The following LRP1B variants were observed in gnomAD, a reference collection of about 807,000 sequenced individuals.
LRP1B encodes low-density lipoprotein receptor-related protein 1B.
A neutral mutation model predicts 556.6 loss-of-function variants in LRP1B; 217 were observed. The observed-to-expected ratio is 0.39, with a 90% CI of 0.35 to 0.44. LRP1B has a LOEUF of 0.44. LRP1B is among the 20% of genes least tolerant of loss of function. LRP1B has a pLI of 1.00. For missense variants in LRP1B, 5,053 were observed against 5,620.8 expected (o/e 0.90, Z 3.23); for synonymous variants, 2,047 against 1,865.8 (o/e 1.10, Z -2.50).
intron 60 of LRP1B, among the ~76,000 whole-genome samples, chr2:140,468,443 C>T (rs1193515467): frequency 2.0e-5 from 3 of 151,850 alleles, no homozygotes; most frequent in Non-Finnish European, 4.4e-5. Flanking sequence ...ATAATGGAGC[C>T]ATGGGGTTGG....
chr2:140,896,265 A>G lies in LRP1B; in HGVS notation c.3766+6655T>C, dbSNP rs1335167335. On this transcript the variant is annotated intron_variant, in intron 23 of 90. Coordinates refer to ENST00000389484, the MANE Select transcript of LRP1B (RefSeq NM_018557.3). Reference sequence around the variant, plus strand: ...ATATGAGAAAACTGAGATTTGAGATATATTAAATAGAAAATAAAAATTATA... The same window carrying G: ...ATATGAGAAAACTGAGATTTGAGATGTATTAAATAGAAAATAAAAATTATA... Among the ~76,000 whole-genome samples the G allele has an allele frequency of 1.3e-5, 2 of 152,106 alleles. 1 individual carries two copies. The highest frequency in any genetic ancestry group is 2.9e-5 in the Non-Finnish European group (2 of 68,032).
chr2:140,340,203 A>G lies in LRP1B; in HGVS notation c.11893-4365T>C, dbSNP rs1681303213. On this transcript the variant is annotated intron_variant, in intron 77 of 90. Transcript: ENST00000389484. ...ACTATCAGAAAAACAAAGATATCAC[A>G]GATGATTATAAAACACACTGAATTT... Among the ~76,000 whole-genome samples, 4 of 151,686 alleles carry G rather than the reference A, an allele frequency of 2.6e-5. No individual in the cohort carries two copies. In the South Asian group the frequency reaches 8.3e-4, roughly 31 times the overall value.
At chr2:141,735,455 C>T (rs938297613) in intron 2 of LRP1B, among the ~76,000 whole-genome samples, 4 of 122,492 alleles carry the variant, frequency 3.3e-5, no homozygotes, top group African/African-American at 1.3e-4. Flanking sequence ...GAAGATGGAA[C>T]TATAAGCAAA....
intron 67 of LRP1B, among the ~76,000 whole-genome samples, chr2:140,382,562 A>C (rs992179787): frequency 6.6e-5 from 10 of 152,188 alleles, no homozygotes; most frequent in African/African-American, 2.2e-4. Flanking sequence ...CCTGCTGAAC[A>C]CTTAATGAGG....
intron 5 of LRP1B, among the ~76,000 whole-genome samples, chr2:141,238,842 A>C (rs1410786900): frequency 6.6e-6 from 1 of 152,114 alleles, no homozygotes; most frequent in Non-Finnish European, 1.5e-5. Flanking sequence ...AAGATGGAAA[A>C]CTGAAGAAAG....
chr2:140,452,179 G>C (rs1433259609), intron 62 of LRP1B, among the ~76,000 whole-genome samples: 1 of 152,140 alleles, frequency 6.6e-6, no homozygotes, highest in African/African-American at 2.4e-5. Flanking sequence ...TGCTGAGACA[G>C]AGTAATTATT....
At chr2:140,932,543 G>C (rs921575969) in intron 20 of LRP1B, among the ~76,000 whole-genome samples, 4 of 151,988 alleles carry the variant, frequency 2.6e-5, no homozygotes, top group Admixed American at 6.6e-5. Flanking sequence ...AATATTGTTT[G>C]TGATTCACAG....
intron 82 of LRP1B, among the ~76,000 whole-genome samples, chr2:140,319,409 G>C (rs1679965739): frequency 6.6e-6 from 1 of 152,114 alleles, no homozygotes; most frequent in South Asian, 2.1e-4. Context: ...GCACCTGTGA[G>C]GGCAATGGGT....
chr2:141,775,320 C>T (rs1372414248), intron 2 of LRP1B, among the ~76,000 whole-genome samples: 1 of 152,108 alleles, frequency 6.6e-6, no homozygotes, highest in East Asian at 1.9e-4. Flanking sequence ...TTGATTTTTG[C>T]CCTGTAGAAA....
At position 141,657,848 on chromosome 2, in the gene LRP1B, C is replaced by T. The variant is rs558117647; in HGVS notation, c.205+152431G>A. On this transcript the variant is annotated intron_variant, in intron 2 of 90. Transcript: ENST00000389484. ...ATAATCTTTTGTTAAGTAAAACATC[C>T]TCCTTTATTCAAATCAGCATTCCAC... Among the ~76,000 whole-genome samples, 11 of 152,222 alleles carry T rather than the reference C, an allele frequency of 7.2e-5. No individual in the cohort carries two copies. In the South Asian group the frequency reaches 2.3e-3, roughly 32 times the overall value.
chr2:140,887,541 G>A (rs1693675376), intron 23 of LRP1B, among the ~76,000 whole-genome samples: 1 of 152,176 alleles, frequency 6.6e-6, no homozygotes, highest in East Asian at 1.9e-4. Flanking sequence ...AAATGTAAGA[G>A]CAGCAAAAAT....
At chr2:141,597,756 G>T (rs953881974) in intron 2 of LRP1B, among the ~76,000 whole-genome samples, 9 of 151,878 alleles carry the variant, frequency 5.9e-5, no homozygotes, top group African/African-American at 2.2e-4. Flanking sequence ...AGGTACTTAT[G>T]TAGTTTTTCA....
chr2:141,879,298 G>A (rs1017717755), intron 1 of LRP1B, among the ~76,000 whole-genome samples: 2 of 151,776 alleles, frequency 1.3e-5, no homozygotes, highest in East Asian at 3.9e-4. Context: ...GGGTAAATAA[G>A]GAATTTCTCA....
In LRP1B at chr2:141,962,869, G is replaced by A. The variant is rs368517077; in HGVS notation, c.83-152468C>T. ...ATAATAGCTAAAGGGAATATGATTC[G>A]TTTTCCTTCACAATTTAGTAAGTGC... On this transcript the variant is annotated intron_variant, in intron 1 of 90. Transcript: ENST00000389484. Among the ~76,000 whole-genome samples the A allele has an allele frequency of 6.3e-4, 95 of 151,648 alleles. 2 individuals are homozygous for A. In the East Asian group the frequency reaches 1.0e-2, roughly 16 times the overall value.
chr2:140,552,665 C>T (rs1328571632), intron 43 of LRP1B, among the ~76,000 whole-genome samples: 1 of 152,148 alleles, frequency 6.6e-6, no homozygotes, highest in East Asian at 1.9e-4. Context: ...GCGCAGAAGC[C>T]TTGTCATCAC....
intron 7 of LRP1B, among the ~76,000 whole-genome samples, chr2:141,155,707 T>A (rs1286671247): frequency 6.6e-6 from 1 of 152,102 alleles, no homozygotes; most frequent in Non-Finnish European, 1.5e-5. Flanking sequence ...ACCCCTTATG[T>A]ATTAAAATTG....
intron 43 of LRP1B, among the ~76,000 whole-genome samples, chr2:140,595,541 A>C (rs188060723): frequency 6.6e-6 from 1 of 152,148 alleles, no homozygotes; most frequent in Non-Finnish European, 1.5e-5. Flanking sequence ...TACTTCCTCA[A>C]CTAGATATGG....
rs540485618 is a variant in LRP1B at position 141,808,288 on chromosome 2, T to C, written c.205+1991A>G. Among the ~76,000 whole-genome samples the C allele has an allele frequency of 1.0e-3, 153 of 152,142 alleles. 1 individual carries two copies. Among genetic ancestry groups the C allele is most frequent in the African/African-American group, 3.6e-3 (150 of 41,524 alleles). Reference sequence around the variant, plus strand: ...CCTTGTTATTTTCTCCATCACAGAATTCACAGGAGGATCAGGGCAGAATGC... The same window carrying C: ...CCTTGTTATTTTCTCCATCACAGAACTCACAGGAGGATCAGGGCAGAATGC... On this transcript the variant is annotated intron_variant, in intron 2 of 90. Coordinates refer to ENST00000389484, the MANE Select transcript of LRP1B (RefSeq NM_018557.3).
At chr2:141,342,452 G>A (rs536505470) in intron 3 of LRP1B, among the ~76,000 whole-genome samples, 2 of 151,926 alleles carry the variant, frequency 1.3e-5, no homozygotes, top group East Asian at 3.9e-4. Context: ...TATCTTACCA[G>A]TATGTGACAG....
Sources: gnomAD v4.1 joint callset for allele counts (sites outside exome capture counted in the v4.1 genomes callset) on GRCh38, gnomAD v4.1.1 for gene constraint, MANE v1.5 for transcripts, NCBI Gene and HGNC (gene_info 2026-07-23, HGNC 2026-07-21) for gene names.